The following LMBRD1 variants were observed in gnomAD, a reference collection of about 807,000 sequenced individuals.
LMBRD1 encodes the protein lysosomal cobalamin transport escort protein LMBD1.
A neutral mutation model predicts 74.8 loss-of-function variants in LMBRD1; 64 were observed. That is an observed-to-expected ratio of 0.86 (90% confidence interval 0.70 to 1.05). The LOEUF is 1.05. Ranked by LOEUF, LMBRD1 falls within the 50% of genes least tolerant of loss-of-function variation. The pLI, the probability that LMBRD1 is intolerant of heterozygous loss-of-function variation, is 0.00. For synonymous variants in LMBRD1, 204 were observed against 216.3 expected (o/e 0.94, Z 0.50); for missense variants, 652 against 645.9 (o/e 1.01, Z -0.10).
chr6:69,705,507 G>C, intron 9 of LMBRD1: 2 of 1,241,442 alleles, frequency 1.6e-6, no homozygotes, highest in Non-Finnish European at 2.3e-6. Flanking sequence ...TTACCCGTTT[G>C]ATCTTGGTAT....
At chr6:69,689,222 G>A (rs1765828977) in intron 14 of LMBRD1, among the ~76,000 whole-genome samples, 1 of 152,040 alleles carries the variant, frequency 6.6e-6, no homozygotes, top group African/African-American at 2.4e-5. Context: ...TGTCCATACA[G>A]ATAAACTAGC....
chr6:69,747,755 C>A (rs926810424), intron 5 of LMBRD1, among the ~76,000 whole-genome samples: 2 of 152,224 alleles, frequency 1.3e-5, no homozygotes, highest in Non-Finnish European at 2.9e-5. Flanking sequence ...GTATCCAACA[C>A]ATAAGTGTTT....
In LMBRD1 at chr6:69,702,424, A is replaced by G. The variant is rs573071112; in HGVS notation, c.916-471T>C. On this transcript the variant is annotated intron_variant, in intron 9 of 15. Transcript: ENST00000649934. ...ATATATATAGTGGTTAAATTATATT[A>G]CAATCCATAAAAGCCTATACAAGTG... Among the ~76,000 whole-genome samples, 415 of 152,040 alleles carry G rather than the reference A, an allele frequency of 2.7e-3. 3 individuals are homozygous for G. The highest frequency in any genetic ancestry group is 9.2e-3 in the African/African-American group (383 of 41,546).
chr6:69,783,344 T>C (rs1765877684), intron 2 of LMBRD1, among the ~76,000 whole-genome samples: 1 of 152,204 alleles, frequency 6.6e-6, no homozygotes, highest in South Asian at 2.1e-4. Context: ...TACTTCTGTA[T>C]CAAAACAGAA....
chr6:69,705,745 C>G, intron 9 of LMBRD1: 1 of 1,196,070 alleles, frequency 8.4e-7, no homozygotes. Context: ...GACCACTTTC[C>G]AGATATACTT....
intron 14 of LMBRD1, among the ~76,000 whole-genome samples, chr6:69,680,543 A>G (rs948276452): frequency 2.6e-5 from 4 of 151,226 alleles, no homozygotes; most frequent in African/African-American, 2.5e-5. Flanking sequence ...CACCAAAACC[A>G]TATCTTAAAT....
rs183027487 is a variant in LMBRD1 at position 69,792,478 on chromosome 6, G to C, written c.70-2006C>G. Among the ~76,000 whole-genome samples the C allele has an allele frequency of 1.3e-3, 199 of 152,304 alleles. No individual in the cohort carries two copies. In the Middle Eastern group the frequency reaches 0.017, roughly 13 times the overall value. Reference sequence around the variant, plus strand: ...GCATTTAAAACCCATCCAAGTTGCTGCATGTCATTGCTTCATACTGCTGGC... The same window carrying C: ...GCATTTAAAACCCATCCAAGTTGCTCCATGTCATTGCTTCATACTGCTGGC... On this transcript the variant is annotated intron_variant, in intron 1 of 15. Transcript: ENST00000649934.
intron 7 of LMBRD1, among the ~76,000 whole-genome samples, chr6:69,734,005 C>T (rs758296010): frequency 3.9e-5 from 6 of 152,200 alleles, no homozygotes; most frequent in Non-Finnish European, 8.8e-5. Context: ...ACTTAAATAT[C>T]ATACCACTAT....
intron 14 of LMBRD1, among the ~76,000 whole-genome samples, chr6:69,683,193 C>T (rs1765698116): frequency 6.6e-6 from 1 of 151,980 alleles, no homozygotes; most frequent in African/African-American, 2.4e-5. Context: ...CTCAATTTTC[C>T]AGTCTGCATC....
rs776423763 is a variant in LMBRD1, at chr6:69,796,804, C to T, written c.69+9G>A. ...CAAACATGGGGAAAACTCCAAGCGCCTCCCCTACCAGTAGTAAGAGGCCGA... is the reference window on the plus strand; with the variant it reads ...CAAACATGGGGAAAACTCCAAGCGCTTCCCCTACCAGTAGTAAGAGGCCGA... On this transcript the variant is annotated intron_variant, in intron 1 of 15. Transcript: ENST00000649934. 1.1e-5 allele frequency: 18 copies of T among 1,613,260 alleles called. No homozygotes were observed. The South Asian group carries it at 1.4e-4, about 13-fold the overall frequency.
At chr6:69,698,153 T>C (rs1046441252) in intron 13 of LMBRD1, among the ~76,000 whole-genome samples, 1 of 152,076 alleles carries the variant, frequency 6.6e-6, no homozygotes, top group African/African-American at 2.4e-5. Context: ...ACCTCCATCA[T>C]GATCAGTGCT....
intron 14 of LMBRD1, among the ~76,000 whole-genome samples, chr6:69,688,402 ATT>A (rs758941295): frequency 6.8e-6 from 1 of 146,660 alleles, no homozygotes. Context: ...AAGGGCAGAG[ATT>A]TTTTTTTTTT....
intron 9 of LMBRD1, among the ~76,000 whole-genome samples, chr6:69,704,756 G>C (rs977403572): frequency 4.6e-5 from 7 of 152,094 alleles, no homozygotes; most frequent in Non-Finnish European, 8.8e-5. Context: ...ATGGGTGGTT[G>C]AATCTGCAAA....
rs750408486 is a variant in LMBRD1 at position 69,713,801 on chromosome 6, C to T, written c.763-4G>A. ...GCAAAGGTCGACCATCTTTGCTCTG[C>T]AAATAACAGAACAAAATAAAAGTTT... is the stretch of plus-strand genomic sequence containing the variant. On this transcript the variant is annotated splice_region_variant and splice_polypyrimidine_tract_variant and intron_variant, in intron 8 of 15. Coordinates refer to ENST00000649934, the MANE Select transcript of LMBRD1 (RefSeq NM_018368.4). The T allele has an allele frequency of 2.5e-6, 4 of 1,613,106 alleles. No homozygotes were observed. The highest frequency in any genetic ancestry group is 3.4e-6 in the Non-Finnish European group (4 of 1,179,474).
At chr6:69,686,230 T>A (rs867152730) in intron 14 of LMBRD1, among the ~76,000 whole-genome samples, 2 of 152,316 alleles carry the variant, frequency 1.3e-5, no homozygotes, top group Middle Eastern at 3.4e-3. Context: ...TATATTAGTT[T>A]TACATGATTA....
intron 3 of LMBRD1, among the ~76,000 whole-genome samples, chr6:69,757,377 G>C (rs1022450424): frequency 1.3e-5 from 2 of 152,222 alleles, no homozygotes; most frequent in African/African-American, 2.4e-5. Flanking sequence ...CTGGGGAAAT[G>C]AAGTGGAGAA....
intron 9 of LMBRD1, among the ~76,000 whole-genome samples, chr6:69,707,431 G>A (rs1290710057): frequency 6.6e-6 from 1 of 152,112 alleles, no homozygotes; most frequent in Non-Finnish European, 1.5e-5. Context: ...GAAGAAAAAG[G>A]CACTGTATCT....
At chr6:69,749,550 A>T (rs1010545135) in intron 4 of LMBRD1, 142 bp from the exon 5 acceptor site, 1 of 691,326 alleles carries the variant, frequency 1.4e-6, no homozygotes, top group African/African-American at 1.8e-5. Context: ...CAACCTTAAA[A>T]TTTAAAGAAA....
intron 9 of LMBRD1, among the ~76,000 whole-genome samples, chr6:69,712,411 G>C (rs1360276426): frequency 1.3e-5 from 2 of 150,128 alleles, no homozygotes; most frequent in South Asian, 2.1e-4. Flanking sequence ...TAACAATGAG[G>C]CAAATTCTAT....
Sources: gnomAD v4.1 joint callset for allele counts (sites outside exome capture counted in the v4.1 genomes callset) on GRCh38, gnomAD v4.1.1 for gene constraint, MANE v1.5 for transcripts, NCBI Gene and HGNC (gene_info 2026-07-23, HGNC 2026-07-21) for gene names.